Variants in PHB2 observed in about 807,000 individuals in gnomAD.
PHB2 encodes prohibitin 2.
Under a neutral mutation model 46.4 loss-of-function variants are expected in PHB2, and 22 were observed. That is an observed-to-expected ratio of 0.47 (90% CI 0.34 to 0.68). The LOEUF (loss-of-function observed/expected upper bound fraction) is 0.68, where lower values mean the gene tolerates loss of function less well. Among genes scored for constraint, PHB2 ranks in the 30% least tolerant of loss-of-function variants. The pLI is 0.01. For missense variants in PHB2, 305 were observed against 382.8 expected (o/e 0.80, Z 1.70); for synonymous variants, 156 against 150.5 (o/e 1.04, Z -0.27).
Position 6,967,106 on chromosome 12 carries a change from T to G in PHB2, c.789+65A>C. On this transcript the variant is annotated intron_variant, in intron 7 of 9. Transcript: ENST00000535923. The surrounding 1 kb of genome is among the most constrained non-coding windows in gnomAD (Gnocchi z 4.9). ...CAAGGTTCGAATTCCCTCACCTCAA[T>G]GTGCCTTAACTGAAAGCACTTTCTC... 1.5e-6 allele frequency: 2 copies of G among 1,300,396 alleles called. No homozygotes were observed. Among genetic ancestry groups the G allele is most frequent in the South Asian group, 2.5e-5 (2 of 79,184 alleles). 80.6% of individuals were successfully genotyped at this position (1,300,396 alleles called of 1,614,324 possible).
At chr12:6,970,351 G>T (rs1282485916) in intron 1 of PHB2, 66 bp downstream of exon 1, 4 of 1,603,392 alleles carry the variant, frequency 2.5e-6, no homozygotes, top group African/African-American at 1.3e-5. Flanking sequence ...GGAGGGGCGC[G>T]GGGACAGGGC....
At position 6,967,543 on chromosome 12, in the gene PHB2, C is replaced by G; in HGVS notation, c.711+133G>C. On this transcript the variant is annotated intron_variant, in intron 6 of 9. Transcript: ENST00000535923. The surrounding 1 kb of genome is among the most constrained non-coding windows in gnomAD (Gnocchi z 4.9). Reference sequence around the variant, plus strand: ...TTTCAGATCTCATCTGTAGTCCCCACCCCCAACAAGGAGCCAAGGGCCAGA... The same window carrying G: ...TTTCAGATCTCATCTGTAGTCCCCAGCCCCAACAAGGAGCCAAGGGCCAGA... The G allele has an allele frequency of 1.1e-6, 1 of 928,436 alleles. No individual in the cohort carries two copies. Among genetic ancestry groups the G allele is most frequent in the South Asian group, 1.3e-5 (1 of 76,970 alleles). 57.5% of individuals were successfully genotyped at this position (928,436 alleles called of 1,614,324 possible).
Position 6,970,635 on chromosome 12 carries a change from G to A in PHB2, c.-92C>T, listed in dbSNP as rs1946308822. On this transcript the variant is annotated 5_prime_UTR_variant, in exon 1 of 10. Transcript: ENST00000535923. Reference sequence around the variant, plus strand: ...GGCTTAGGTACTGCACCCTTCACACGAGGGTTCGGGCCCGTAAGGCTGGCG... The same window carrying A: ...GGCTTAGGTACTGCACCCTTCACACAAGGGTTCGGGCCCGTAAGGCTGGCG... 2 of 1,404,994 alleles carry A rather than the reference G, an allele frequency of 1.4e-6. No individual in the cohort carries two copies. Among genetic ancestry groups the A allele is most frequent in the South Asian group, 1.4e-5 (1 of 73,522 alleles). The allele number at this position is 1,404,994 out of a possible 1,614,324, so 87.0% of individuals were successfully genotyped here.
Position 6,967,999 on chromosome 12 carries a change from T to A in PHB2, c.500A>T (p.Glu167Val), listed in dbSNP as rs948890705. 1.2e-6 allele frequency: 2 copies of A among 1,607,468 alleles called. No individual in the cohort carries two copies. Among genetic ancestry groups the A allele is most frequent in the Non-Finnish European group, 1.7e-6 (2 of 1,175,284 alleles). Residue 167 changes from glutamate (E) to valine (V), a missense_variant, in exon 5 of 10, where the codon GAG (glutamate) becomes GTG (valine). This residue lies in a region of PHB2 where 241 missense variants were observed against 302.7 expected (regional missense o/e 0.80). Transcript: ENST00000535923. This position sits in a 1 kb window ranked among gnomAD's most constrained non-coding sequence, Gnocchi z 4.9. ...RAQVSLLIRRELTERAKDFSL... is the reference protein window; with the variant it reads ...RAQVSLLIRRVLTERAKDFSL... ...GAAGTCCTTGGCCCTCTCTGTCAGC[T>A]CCCGGCGGATCAACAGGGATACCTG...
At position 6,967,722 on chromosome 12, in the gene PHB2, C is replaced by T. The variant is rs782754606; in HGVS notation, c.665G>A (p.Arg222Gln). Residue 222 changes from arginine (R) to glutamine (Q), a missense_variant, in exon 6 of 10, where the codon CGG becomes CAG. Coordinates refer to ENST00000535923, the MANE Select transcript of PHB2 (RefSeq NM_001144831.2). The surrounding 1 kb of genome is among the most constrained non-coding windows in gnomAD (Gnocchi z 4.9). ...FLVEKAKQEQ[R>Q]QKIVQAEGEA... The stretch of plus-strand genomic sequence containing the variant: ...ACCCTCGGCCTGCACAATTTTCTGC[C>T]GCTGTTCCTGCTTTGCTTTTTCTAC... The T allele has an allele frequency of 1.4e-5, 22 of 1,613,796 alleles. No homozygotes were observed. Among genetic ancestry groups the T allele is most frequent in the East Asian group, 2.2e-5 (1 of 44,898 alleles).
intron 4 of PHB2, 65 bp from the exon 5 acceptor site, chr12:6,968,086 G>A: frequency 1.4e-6 from 2 of 1,444,796 alleles, no homozygotes; most frequent in South Asian, 2.6e-5. Context: ...CTGAAAGGAA[G>A]GTTGCGACCC....
chr12:6,966,229 T>A (rs886448127), intron 8 of PHB2, among the ~76,000 whole-genome samples, 195 bp downstream of exon 8: 1 of 152,360 alleles, frequency 6.6e-6, no homozygotes, highest in African/African-American at 2.4e-5. Flanking sequence ...GTGCTTTTTA[T>A]GTGAATAATC....
chr12:6,965,462 G>C lies in PHB2; in HGVS notation c.*223C>G. 3 of 602,706 alleles carry C rather than the reference G, an allele frequency of 5.0e-6. No homozygotes were observed. The highest frequency in any genetic ancestry group is 8.9e-6 in the Non-Finnish European group (3 of 336,566). 37.3% of individuals were successfully genotyped at this position (602,706 alleles called of 1,614,324 possible). A position where few individuals can be genotyped will look rare whatever the true frequency, so the allele number is the denominator to read the frequency against. On this transcript the variant is annotated 3_prime_UTR_variant, in exon 10 of 10. Coordinates refer to ENST00000535923, the MANE Select transcript of PHB2 (RefSeq NM_001144831.2). ...GGAAATCACTGAGAAATCACGCACT[G>C]TCCCCAACAGCCCCAGTTAACACAG...
At position 6,970,497 on chromosome 12, in the gene PHB2, G is replaced by A; in HGVS notation, c.47C>T (p.Pro16Leu). ...KDLAGRLPAG[P>L]RGMGTALKLL... ...CTTCAGGGCCGTGCCCATGCCCCGGGGCCCGGCGGGCAGCCGTCCCGCCAA... is the reference window on the plus strand; with the variant it reads ...CTTCAGGGCCGTGCCCATGCCCCGGAGCCCGGCGGGCAGCCGTCCCGCCAA... Residue 16 changes from proline (P) to leucine (L), a missense_variant, in exon 1 of 10, where the codon CCC becomes CTC. Around this residue, in one of 3 missense-constraint regions of PHB2, gnomAD observed 60 missense variants for 61.0 expected, o/e 0.98. Coordinates refer to ENST00000535923, the MANE Select transcript of PHB2 (RefSeq NM_001144831.2). The A allele has an allele frequency of 1.9e-6, 3 of 1,605,130 alleles. No homozygotes were observed. Among genetic ancestry groups the A allele is most frequent in the Non-Finnish European group, 2.5e-6 (3 of 1,178,582 alleles).
Position 6,970,560 on chromosome 12 carries a change from G to T in PHB2, c.-17C>A. 2 of 1,576,386 alleles carry T rather than the reference G, an allele frequency of 1.3e-6. No individual in the cohort carries two copies. The highest frequency in any genetic ancestry group is 1.2e-5 in the South Asian group (1 of 85,566). ...CTGGGCCATGTCTGATCTTGAGGCC[G>T]GCGGCACTGGAGGTCAGAAGGGGGT... On this transcript the variant is annotated 5_prime_UTR_variant, in exon 1 of 10. Coordinates refer to ENST00000535923, the MANE Select transcript of PHB2 (RefSeq NM_001144831.2).
In PHB2 at chr12:6,967,463, T is replaced by C. The variant is rs1555151011; in HGVS notation, c.711+213A>G. 9.2e-7 allele frequency: 1 copy of C among 1,081,282 alleles called. No homozygotes were observed. The highest frequency in any genetic ancestry group is 1.4e-6 in the Non-Finnish European group (1 of 705,746). 67.0% of individuals were successfully genotyped at this position (1,081,282 alleles called of 1,614,324 possible). On this transcript the variant is annotated intron_variant, in intron 6 of 9. Transcript: ENST00000535923. This position sits in a 1 kb window ranked among gnomAD's most constrained non-coding sequence, Gnocchi z 4.9. Reference sequence around the variant, plus strand: ...CCAGAAATGAAGGCAAGGCCACCAATGCTATTGATCTGGCCTTACAGTGGG... The same window carrying C: ...CCAGAAATGAAGGCAAGGCCACCAACGCTATTGATCTGGCCTTACAGTGGG...
rs1946245904 is a variant in PHB2, at chr12:6,968,033, G to A, written c.478-12C>T. On this transcript the variant is annotated splice_polypyrimidine_tract_variant and intron_variant, in intron 4 of 9. Coordinates refer to ENST00000535923, the MANE Select transcript of PHB2 (RefSeq NM_001144831.2). ...ATCAACAGGGATACCTGAGGGCAGGGGTGAAGAGGGGAAGGGAGGGGTGGT... is the reference window on the plus strand; with the variant it reads ...ATCAACAGGGATACCTGAGGGCAGGAGTGAAGAGGGGAAGGGAGGGGTGGT... 6.3e-7 allele frequency: 1 copy of A among 1,587,306 alleles called. No homozygotes were observed. Among genetic ancestry groups the A allele is most frequent in the African/African-American group, 1.3e-5 (1 of 74,360 alleles).
rs369365292 is a variant in PHB2, at chr12:6,970,287, G to C, written c.128-7C>G. The C allele has an allele frequency of 5.6e-6, 9 of 1,612,650 alleles. No individual in the cohort carries two copies. Among genetic ancestry groups the C allele is most frequent in the Non-Finnish European group, 6.8e-6 (8 of 1,179,410 alleles). On this transcript the variant is annotated splice_region_variant and splice_polypyrimidine_tract_variant and intron_variant, in intron 1 of 9. Coordinates refer to ENST00000535923, the MANE Select transcript of PHB2 (RefSeq NM_001144831.2). ...GCTCTGTGCCCGCCTTCCACTGTGGGGAGATGGGTGGTGATCAGGCCAGGC... is the reference window on the plus strand; with the variant it reads ...GCTCTGTGCCCGCCTTCCACTGTGGCGAGATGGGTGGTGATCAGGCCAGGC...
intron 2 of PHB2, 34 bp from the exon 3 acceptor site, chr12:6,969,611 C>T (rs782552177): frequency 2.2e-6 from 3 of 1,356,978 alleles, no homozygotes; most frequent in Non-Finnish European, 3.1e-6. Flanking sequence ...TAAGAGGCCA[C>T]AGTTTCGGCC....
intron 2 of PHB2, 199 bp downstream of exon 2, chr12:6,969,997 G>C (rs1439095167): frequency 2.8e-6 from 2 of 701,998 alleles, no homozygotes; most frequent in Non-Finnish European, 5.2e-6. Context: ...CCACAGACAA[G>C]GAGAGATTCT....
At chr12:6,966,969 G>A (rs1555150860) in intron 7 of PHB2, among the ~76,000 whole-genome samples, 1 of 152,140 alleles carries the variant, frequency 6.6e-6, no homozygotes, top group African/African-American at 2.4e-5. Flanking sequence ...GGCTGGTCTC[G>A]AACTCCTGAC....
At chr12:6,970,681 G>A (rs782484300), upstream of PHB2, 231 of 1,116,866 alleles carry the variant, frequency 2.1e-4, no homozygotes, top group Middle Eastern at 6.2e-4. Flanking sequence ...CAGCGGAAGT[G>A]CGCTCCCTTT....
Position 6,967,431 on chromosome 12 carries a change from G to T in PHB2, c.712-183C>A, listed in dbSNP as rs986583569. ...CTGCAGGCTGCTGCCAGGAACTAGGGGCAGCACCAGAAATGAAGGCAAGGC... is the reference window on the plus strand; with the variant it reads ...CTGCAGGCTGCTGCCAGGAACTAGGTGCAGCACCAGAAATGAAGGCAAGGC... On this transcript the variant is annotated intron_variant, in intron 6 of 9. Transcript: ENST00000535923. This position sits in a 1 kb window ranked among gnomAD's most constrained non-coding sequence, Gnocchi z 4.9. 1 of 1,376,628 alleles carries T rather than the reference G, an allele frequency of 7.3e-7. No homozygotes were observed. The highest frequency in any genetic ancestry group is 1.0e-6 in the Non-Finnish European group (1 of 972,312). The allele number at this position is 1,376,628 out of a possible 1,614,324, so 85.3% of individuals were successfully genotyped here.
chr12:6,969,913 GAAAA>G, intron 2 of PHB2: 2 of 580,298 alleles, frequency 3.4e-6, no homozygotes, highest in Non-Finnish European at 6.2e-6. Flanking sequence ...AAAAAAAAAA[GAAAA>G]GGCCGCAGTT....
Sources: allele counts gnomAD v4.1 joint callset (sites outside exome capture counted in the v4.1 genomes callset), GRCh38; gene constraint gnomAD v4.1.1; regional missense constraint gnomAD v4.1.1; non-coding constraint Gnocchi (gnomAD v3.1); transcripts MANE v1.5; gene names NCBI Gene and HGNC (gene_info 2026-07-23, HGNC 2026-07-21).